Variants in ADAMTS2 observed in about 807,000 individuals in gnomAD.
ADAMTS2 encodes the protein A disintegrin and metalloproteinase with thrombospondin motifs 2.
In ADAMTS2, 50 loss-of-function variants were observed where a neutral mutation model predicts 123.0. The observed-to-expected ratio is 0.41, with a 90% CI of 0.32 to 0.51. ADAMTS2 has a LOEUF of 0.51. Ranked by LOEUF, ADAMTS2 falls within the 20% of genes least tolerant of loss-of-function variation. The pLI is 0.35. For missense variants in ADAMTS2, 1,494 were observed against 1,705.2 expected (o/e 0.88, Z 2.18); for synonymous variants, 678 against 695.4 (o/e 0.98, Z 0.39).
intron 21 of ADAMTS2, chr5:179,120,451 G>A (rs1048892764): frequency 6.6e-6 from 1 of 152,260 alleles, no homozygotes; most frequent in African/African-American, 2.4e-5. Flanking sequence ...CCTCGTCAAA[G>A]TTGGAAGTTA....
At chr5:179,204,840 G>A (rs903380918) in intron 4 of ADAMTS2, among the ~76,000 whole-genome samples, 5 of 152,112 alleles carry the variant, frequency 3.3e-5, no homozygotes, top group African/African-American at 9.7e-5. Flanking sequence ...TCTCTGCCAC[G>A]CCCCGCCGCC....
At position 179,126,071 on chromosome 5, in the gene ADAMTS2, C is replaced by T; in HGVS notation, c.2677G>A (p.Gly893Ser). 6.2e-7 allele frequency: 1 copy of T among 1,613,228 alleles called. No individual in the cohort carries two copies. The highest frequency in any genetic ancestry group is 8.5e-7 in the Non-Finnish European group (1 of 1,180,022). ...GGCTTCGAGAGGGCGGCACAGAAGC[C>T]ACGGTGTACCATCTTGTGGTCCAGC... The part of the protein sequence containing the change: ...RRLDHKMVHR[G>S]FCAALSKPKA... Residue 893 changes from glycine (G) to serine (S), a missense_variant, in exon 18 of 22, where the codon GGC becomes AGC. Gly to Ser is a moderately conservative substitution (Grantham distance 56). Around this residue, in one of 6 missense-constraint regions of ADAMTS2, gnomAD observed 953 missense variants for 1,124.7 expected, o/e 0.85. Transcript: ENST00000251582.
At chr5:179,153,054 C>T (rs577658462) in intron 9 of ADAMTS2, among the ~76,000 whole-genome samples, 39 of 152,332 alleles carry the variant, frequency 2.6e-4, no homozygotes, top group Non-Finnish European at 5.4e-4. Context: ...ACGGCTCAGC[C>T]CTGGCACTTG....
chr5:179,321,489 C>G lies in ADAMTS2; in HGVS notation c.534+22278G>C, dbSNP rs188441420. 2.2e-3 allele frequency among the ~76,000 whole-genome samples: 335 copies of G among 152,134 alleles called. 15 individuals carry two copies. In the East Asian group the frequency reaches 0.06, roughly 27 times the overall value. ...CCCCTGCCATCCCAATTCCCTGAAC[C>G]CCCTCCTCTTGAACCTCTCTCATCC... is the stretch of plus-strand genomic sequence containing the variant. On this transcript the variant is annotated intron_variant, in intron 2 of 21. Transcript: ENST00000251582.
chr5:179,292,140 G>A (rs1756206751), intron 2 of ADAMTS2, among the ~76,000 whole-genome samples: 1 of 151,958 alleles, frequency 6.6e-6, no homozygotes, highest in Non-Finnish European at 1.5e-5. Flanking sequence ...CATTAATGAA[G>A]CACGGTAACC....
chr5:179,137,325 C>T (rs557587036), intron 12 of ADAMTS2, among the ~76,000 whole-genome samples: 1 of 152,384 alleles, frequency 6.6e-6, no homozygotes, highest in South Asian at 2.1e-4. Flanking sequence ...CCAATAAATG[C>T]CTTCTAGTGC....
rs188054405 is a variant in ADAMTS2 at position 179,111,272 on chromosome 5, G to A, written c.*2595C>T. 40 of 152,318 alleles carry A rather than the reference G, an allele frequency of 2.6e-4. No homozygotes were observed. Among genetic ancestry groups the A allele is most frequent in the Non-Finnish European group, 5.3e-4 (36 of 68,032 alleles). The allele number at this position is 152,318 out of a possible 1,614,324, so 9.4% of individuals were successfully genotyped here. ...GCGGAAGGTCTGAGTCTCATCATGC[G>A]GTTAGAAACTCAGCTAGAAGACATC... is the stretch of plus-strand genomic sequence containing the variant. On this transcript the variant is annotated 3_prime_UTR_variant, in exon 22 of 22. Coordinates refer to ENST00000251582, the MANE Select transcript of ADAMTS2 (RefSeq NM_014244.5).
intron 3 of ADAMTS2, among the ~76,000 whole-genome samples, chr5:179,209,698 C>T (rs1764807453): frequency 1.3e-5 from 2 of 152,156 alleles, no homozygotes; most frequent in South Asian, 2.1e-4. Context: ...CCGAGCAGTC[C>T]ACTTAGCTGC....
Position 179,343,965 on chromosome 5 carries a change from A to C in ADAMTS2, c.336T>G (p.Asn112Lys). The change falls in exon 2 of 22, where the codon AAT (asparagine) becomes AAG (lysine). Residue 112 changes from asparagine (N) to lysine (K), a missense_variant. Physicochemically the swap from Asn to Lys is moderately conservative, Grantham distance 94. Transcript: ENST00000251582. Reference protein sequence around the residue: ...EEEPGSHLFYNVTVFGRDLHL... With the variant: ...EEEPGSHLFYKVTVFGRDLHL... ...GCAGGTCTCGGCCAAAGACCGTGAC[A>C]TTGTAGAAGAGGTGACTGCCAGGCT... The C allele has an allele frequency of 2.5e-6, 4 of 1,612,330 alleles. No individual in the cohort carries two copies. Among genetic ancestry groups the C allele is most frequent in the Non-Finnish European group, 3.4e-6 (4 of 1,179,742 alleles).
chr5:179,136,018 C>G lies in ADAMTS2; in HGVS notation c.1976G>C (p.Cys659Ser). 1 of 1,613,452 alleles carries G rather than the reference C, an allele frequency of 6.2e-7. No homozygotes were observed. Among genetic ancestry groups the G allele is most frequent in the Non-Finnish European group, 8.5e-7 (1 of 1,180,028 alleles). The change falls in exon 13 of 22, where the codon TGC becomes TCC. Residue 659 changes from cysteine (C) to serine (S), a missense_variant. Coordinates refer to ENST00000251582, the MANE Select transcript of ADAMTS2 (RefSeq NM_014244.5). Reference protein sequence around the residue: ...RDAKERCHLYCESRETGEVVS... With the variant: ...RDAKERCHLYSESRETGEVVS... Reference sequence around the variant, plus strand: ...CACCTCCCCGGTCTCCCTGGACTCGCAGTACAGGTGGCATCTCTCCTTGGC... The same window carrying G: ...CACCTCCCCGGTCTCCCTGGACTCGGAGTACAGGTGGCATCTCTCCTTGGC...
At chr5:179,296,333 CGGAGGAGGG>C (rs1259199036) in intron 2 of ADAMTS2, among the ~76,000 whole-genome samples, 1 of 151,428 alleles carries the variant, frequency 6.6e-6, no homozygotes, top group Non-Finnish European at 1.5e-5. Context: ...TGTCTGTGCT[CGGAGGAGGG>C]GGAGGTGGGT....
At position 179,135,969 on chromosome 5, in the gene ADAMTS2, A is replaced by C; in HGVS notation, c.2025T>G (p.His675Gln). The change falls in exon 13 of 22, where the codon CAT (histidine) becomes CAG (glutamine). Residue 675 changes from histidine (H) to glutamine (Q), a missense_variant. Physicochemically the swap from His to Gln is conservative, Grantham distance 24. Transcript: ENST00000251582. ...CCTTGTAGGAGCAGCGCGTCCCGTC[A>C]TGCACCATGCGCTTCATGGACACCA... ...GEVVSMKRMV[H>Q]DGTRCSYKDA... 2 of 1,613,394 alleles carry C rather than the reference A, an allele frequency of 1.2e-6. No individual in the cohort carries two copies. The highest frequency in any genetic ancestry group is 1.7e-6 in the Non-Finnish European group (2 of 1,180,014).
chr5:179,164,555 G>C (rs1341765648), intron 5 of ADAMTS2, among the ~76,000 whole-genome samples: 1 of 152,214 alleles, frequency 6.6e-6, no homozygotes, highest in African/African-American at 2.4e-5. Context: ...GGCGCGGGAA[G>C]GGGACGGCAA....
rs867565058 is a variant in ADAMTS2, at chr5:179,187,772, T to A, written c.892-6617A>T. The stretch of plus-strand genomic sequence containing the variant: ...GGAATCTTTAAACCTTGGGGGGAAA[T>A]GTTCAAAGCCGCAGCCATCTCTGTG... On this transcript the variant is annotated intron_variant, in intron 4 of 21. Transcript: ENST00000251582. 1.1e-4 allele frequency among the ~76,000 whole-genome samples: 17 copies of A among 152,246 alleles called. No homozygotes were observed. The South Asian group carries it at 3.5e-3, about 32-fold the overall frequency.
At chr5:179,319,745 G>A (rs1171610607) in intron 2 of ADAMTS2, among the ~76,000 whole-genome samples, 2 of 151,636 alleles carry the variant, frequency 1.3e-5, no homozygotes, top group South Asian at 2.1e-4. Flanking sequence ...GCAAAAAGCT[G>A]TGACCCTCTT....
In ADAMTS2 at chr5:179,303,003, G is replaced by A. The variant is rs911061949; in HGVS notation, c.535-29939C>T. On this transcript the variant is annotated intron_variant, in intron 2 of 21. Coordinates refer to ENST00000251582, the MANE Select transcript of ADAMTS2 (RefSeq NM_014244.5). The surrounding 1 kb of genome is among the most constrained non-coding windows in gnomAD (Gnocchi z 4.7). ...GGAGGGCAGAGTGGTGGGCCTGGGTGGGGTACAGGAGGTCAGAGTGGTGGG... is the reference window on the plus strand; with the variant it reads ...GGAGGGCAGAGTGGTGGGCCTGGGTAGGGTACAGGAGGTCAGAGTGGTGGG... Among the ~76,000 whole-genome samples, 2 of 146,278 alleles carry A rather than the reference G, an allele frequency of 1.4e-5. No individual in the cohort carries two copies. Among genetic ancestry groups the A allele is most frequent in the African/African-American group, 2.5e-5 (1 of 40,488 alleles).
At chr5:179,319,330 C>A (rs1561738440) in intron 2 of ADAMTS2, among the ~76,000 whole-genome samples, 1 of 152,158 alleles carries the variant, frequency 6.6e-6, no homozygotes, top group Admixed American at 6.5e-5. Flanking sequence ...CAGACATTAC[C>A]CACACATACA....
chr5:179,223,554 TCA>T (rs66800527), intron 3 of ADAMTS2, among the ~76,000 whole-genome samples: 81,784 of 147,768 alleles, frequency 0.55, 22,914 homozygotes, highest in East Asian at 0.96. Flanking sequence ...ACGAATGCAC[TCA>T]CACACACGCG....
chr5:179,227,608 C>T (rs1209605578), intron 3 of ADAMTS2, among the ~76,000 whole-genome samples: 8 of 152,132 alleles, frequency 5.3e-5, no homozygotes, highest in Non-Finnish European at 7.4e-5. Context: ...TCCCCTCAAC[C>T]CCAGATGCCC....
Sources: gnomAD v4.1 joint callset for allele counts (sites outside exome capture counted in the v4.1 genomes callset) on GRCh38, gnomAD v4.1.1 for gene constraint, gnomAD v4.1.1 regional missense constraint, Gnocchi (gnomAD v3.1) non-coding constraint, MANE v1.5 for transcripts, NCBI Gene and HGNC (gene_info 2026-07-23, HGNC 2026-07-21) for gene names.